BANK1: variants seen among roughly 807,000 people sequenced by gnomAD.
The protein encoded by BANK1 is B-cell scaffold protein with ankyrin repeats.
A neutral mutation model predicts 94.5 loss-of-function variants in BANK1; 95 were observed. That is an observed-to-expected ratio of 1.00 (90% CI 0.85 to 1.19). The LOEUF (loss-of-function observed/expected upper bound fraction) is 1.19. Ranked by LOEUF, BANK1 falls within the 50% of genes most tolerant of loss-of-function variation. The pLI is 0.00. For synonymous variants in BANK1, 334 were observed against 308.4 expected (o/e 1.08, Z -0.87); for missense variants, 987 against 932.2 (o/e 1.06, Z -0.77).
intron 7 of BANK1, among the ~76,000 whole-genome samples, chr4:102,011,662 T>C (rs1726517373): frequency 1.3e-5 from 2 of 152,174 alleles, no homozygotes; most frequent in African/African-American, 4.8e-5. Flanking sequence ...TACGTCCCGA[T>C]GTGGGGGGAA....
chr4:101,790,914 A>C lies in BANK1; in HGVS notation c.34A>C (p.Ser12Arg), dbSNP rs1348900145. Residue 12 changes from serine to arginine, a missense_variant, in exon 1 of 17, where the codon AGC becomes CGC. Coordinates refer to ENST00000322953, the MANE Select transcript of BANK1 (RefSeq NM_017935.5). ...AGCAGCGCCAGGCAAGGGGCTTGGG[A>C]GCCCGGACCCCGCCCCCTGCGGCCC... ...LPAAPGKGLG[S>R]PDPAPCGPAP... is the part of the protein sequence containing the mutation. 1 of 1,536,932 alleles carries C rather than the reference A, an allele frequency of 6.5e-7. No individual in the cohort carries two copies. The highest frequency in any genetic ancestry group is 8.7e-7 in the Non-Finnish European group (1 of 1,146,528).
chr4:101,934,396 G>A (rs1723458666), intron 7 of BANK1, among the ~76,000 whole-genome samples: 1 of 151,360 alleles, frequency 6.6e-6, no homozygotes, highest in African/African-American at 2.4e-5. Flanking sequence ...AGACAATTGG[G>A]AGGAATAGAG....
intron 2 of BANK1, among the ~76,000 whole-genome samples, chr4:101,854,088 C>T (rs1433648633): frequency 6.6e-6 from 1 of 152,098 alleles, no homozygotes; most frequent in African/African-American, 2.4e-5. Flanking sequence ...AAGGCATTCT[C>T]ATGTTGCCAG....
At chr4:102,026,956 G>C (rs1429814598) in intron 9 of BANK1, among the ~76,000 whole-genome samples, 1 of 152,068 alleles carries the variant, frequency 6.6e-6, no homozygotes, top group African/African-American at 2.4e-5. Context: ...TTAATTGAAA[G>C]CTCTGAAGCC....
At chr4:101,887,562 TA>T (rs1424317460) in intron 5 of BANK1, among the ~76,000 whole-genome samples, 7 of 152,172 alleles carry the variant, frequency 4.6e-5, no homozygotes, top group Admixed American at 2.0e-4. Context: ...TTTAAACTTC[TA>T]AAAAATTCTG....
intron 5 of BANK1, among the ~76,000 whole-genome samples, chr4:101,884,503 ACT>A (rs1164627228): frequency 6.6e-6 from 1 of 151,806 alleles, no homozygotes; most frequent in Non-Finnish European, 1.5e-5. Flanking sequence ...TGATTCTTAG[ACT>A]CTCTTTATTC....
intron 7 of BANK1, among the ~76,000 whole-genome samples, chr4:101,976,512 GAGTAA>G (rs1725134883): frequency 6.6e-6 from 1 of 152,130 alleles, no homozygotes; most frequent in East Asian, 1.9e-4. Flanking sequence ...TTTCTAGCCA[GAGTAA>G]AGTATTGATT....
At chr4:101,862,324 A>G (rs554777826) in intron 3 of BANK1, among the ~76,000 whole-genome samples, 1 of 152,246 alleles carries the variant, frequency 6.6e-6, no homozygotes, top group South Asian at 2.1e-4. Flanking sequence ...AGAGCGTACA[A>G]TAAAAAGAAA....
intron 6 of BANK1, among the ~76,000 whole-genome samples, chr4:101,906,101 A>G (rs1722438473): frequency 1.3e-5 from 2 of 152,326 alleles, no homozygotes; most frequent in South Asian, 4.1e-4. Flanking sequence ...CATTGCGAGC[A>G]GCCTGAATGG....
rs10024352 is a variant in BANK1 at position 102,070,035 on chromosome 4, G to A, written c.2213-1240G>A. Among the ~76,000 whole-genome samples the A allele has an allele frequency of 6.9e-3, 1,049 of 152,250 alleles. 25 individuals are homozygous for A. Among genetic ancestry groups the A allele is most frequent in the East Asian group, 0.065 (337 of 5,170 alleles). On this transcript the variant is annotated intron_variant, in intron 13 of 16. Transcript: ENST00000322953. ...AGCAGCAAATCCATACAGGCCTGCA[G>A]CAACCCCAATTCTTGTCTCCTCAGA...
At chr4:101,997,472 T>C (rs1051870563) in intron 7 of BANK1, among the ~76,000 whole-genome samples, 1 of 152,220 alleles carries the variant, frequency 6.6e-6, no homozygotes, top group Non-Finnish European at 1.5e-5. Context: ...ACTCCCTCTT[T>C]TTCTATTGTG....
chr4:101,876,473 G>A (rs1728494724), intron 5 of BANK1, among the ~76,000 whole-genome samples: 2 of 152,248 alleles, frequency 1.3e-5, no homozygotes, highest in South Asian at 4.2e-4. Flanking sequence ...CTATGAGTCT[G>A]GAAGAACTAC....
intron 11 of BANK1, among the ~76,000 whole-genome samples, chr4:102,053,600 G>A (rs574534320): frequency 6.6e-6 from 1 of 151,964 alleles, no homozygotes; most frequent in Non-Finnish European, 1.5e-5. Flanking sequence ...TAGCCATTCT[G>A]TCATTATGAA....
At chr4:101,904,743 G>A (rs919252931) in intron 6 of BANK1, among the ~76,000 whole-genome samples, 2 of 152,114 alleles carry the variant, frequency 1.3e-5, no homozygotes, top group Non-Finnish European at 2.9e-5. Context: ...AGTTATAATT[G>A]GTCGAATAGT....
At chr4:102,053,632 T>TAAC (rs2148960617) in intron 11 of BANK1, among the ~76,000 whole-genome samples, 1 of 151,902 alleles carries the variant, frequency 6.6e-6, no homozygotes, top group East Asian at 1.9e-4. Flanking sequence ...AAACATATTC[T>TAAC]AACCAATGAG....
chr4:101,902,981 T>G (rs1722331189), intron 6 of BANK1, among the ~76,000 whole-genome samples: 1 of 152,230 alleles, frequency 6.6e-6, no homozygotes, highest in African/African-American at 2.4e-5. Flanking sequence ...TTCAATTAAC[T>G]GTGTGGAATG....
chr4:101,972,350 C>G (rs544903681), intron 7 of BANK1: 1 of 152,030 alleles, frequency 6.6e-6, no homozygotes, highest in African/African-American at 2.4e-5. Context: ...TATAGAAATG[C>G]TACAGATTTT....
At chr4:102,045,711 A>G (rs1727855927) in intron 11 of BANK1, among the ~76,000 whole-genome samples, 1 of 151,470 alleles carries the variant, frequency 6.6e-6, no homozygotes, top group Admixed American at 6.6e-5. Context: ...AAGAGAATAA[A>G]ATACCTAGGA....
At chr4:101,893,776 G>T (rs2148890439) in intron 5 of BANK1, among the ~76,000 whole-genome samples, 1 of 152,046 alleles carries the variant, frequency 6.6e-6, no homozygotes, top group Middle Eastern at 3.4e-3. Flanking sequence ...ACCTAAATAA[G>T]TTTAATTTAT....
Sources: gnomAD v4.1 joint callset for allele counts (sites outside exome capture counted in the v4.1 genomes callset) on GRCh38, gnomAD v4.1.1 for gene constraint, MANE v1.5 for transcripts, NCBI Gene and HGNC (gene_info 2026-07-23, HGNC 2026-07-21) for gene names.